MSI2: variants seen among roughly 807,000 people sequenced by gnomAD.
The protein encoded by MSI2 is RNA-binding protein Musashi homolog 2.
MSI2 carries 17 observed loss-of-function variants against 45.6 expected under a neutral mutation model. The ratio of observed to expected loss-of-function variants is 0.37; its 90% CI spans 0.26 to 0.56. The LOEUF is 0.56. Ranked by LOEUF, MSI2 falls within the 20% of genes least tolerant of loss-of-function variation. The probability of loss-of-function intolerance (pLI) is 0.77; values close to 1 mark genes in which losing one functional copy is unlikely to be tolerated. For missense variants in MSI2, 293 were observed against 444.2 expected, an observed-to-expected ratio of 0.66 and a Z score of 3.06; for synonymous variants, 156 against 158.2, an observed-to-expected ratio of 0.99 and a Z score of 0.11.
chr17:57,568,505 A>G (rs1016869475), intron 7 of MSI2, among the ~76,000 whole-genome samples: 3 of 151,820 alleles, frequency 2.0e-5, no homozygotes, highest in African/African-American at 7.3e-5. Flanking sequence ...AAGGTGGTCG[A>G]CCCCCAAAGG....
chr17:57,643,354 A>G (rs949162183), intron 10 of MSI2, among the ~76,000 whole-genome samples: 8 of 152,242 alleles, frequency 5.3e-5, no homozygotes, highest in Non-Finnish European at 8.8e-5. Flanking sequence ...ACCAAAGCCT[A>G]TTCTCAAGCC....
At chr17:57,404,859 C>T (rs1057137090) in intron 6 of MSI2, among the ~76,000 whole-genome samples, 5 of 152,088 alleles carry the variant, frequency 3.3e-5, no homozygotes, top group African/African-American at 1.2e-4. Context: ...CTTCCACCTT[C>T]CTCCCAGAAA....
chr17:57,374,845 C>T (rs1395244730), intron 5 of MSI2, among the ~76,000 whole-genome samples: 1 of 152,104 alleles, frequency 6.6e-6, no homozygotes, highest in East Asian at 1.9e-4. Context: ...GCATTTATTC[C>T]ATGTCCAGTT....
intron 5 of MSI2, among the ~76,000 whole-genome samples, chr17:57,300,033 T>G (rs1911301334): frequency 6.6e-6 from 1 of 152,176 alleles, no homozygotes; most frequent in East Asian, 1.9e-4. Flanking sequence ...TGTTCATCTC[T>G]GCCCATCTCT....
chr17:57,695,046 C>T, the MSI2 span, among the ~76,000 whole-genome samples: 1 of 152,188 alleles, frequency 6.6e-6, no homozygotes, highest in African/African-American at 2.4e-5. Context: ...GAAAAATCAT[C>T]AAATCACAGC....
intron 13 of MSI2, among the ~76,000 whole-genome samples, chr17:57,677,762 A>G (rs1044435916): frequency 2.6e-5 from 4 of 152,160 alleles, no homozygotes; most frequent in African/African-American, 7.2e-5. Flanking sequence ...CATTTTTTCA[A>G]TCACTTTGAT....
At chr17:57,472,851 A>T (rs949430460) in intron 6 of MSI2, among the ~76,000 whole-genome samples, 2 of 150,506 alleles carry the variant, frequency 1.3e-5, no homozygotes, top group African/African-American at 4.9e-5. Context: ...CACAGGGCAC[A>T]CTATCCATCA....
At chr17:57,484,205 C>T (rs2085706678) in intron 6 of MSI2, among the ~76,000 whole-genome samples, 1 of 152,142 alleles carries the variant, frequency 6.6e-6, no homozygotes, top group Non-Finnish European at 1.5e-5. Context: ...GCAGTCGCTT[C>T]TCTTTCCCTG....
chr17:57,410,426 G>GGCT (rs1170972252), intron 6 of MSI2, among the ~76,000 whole-genome samples: 2 of 152,082 alleles, frequency 1.3e-5, no homozygotes, highest in East Asian at 3.9e-4. Flanking sequence ...ATGAGCAAGT[G>GGCT]GCTGCTGAAG....
intron 5 of MSI2, among the ~76,000 whole-genome samples, chr17:57,333,790 AG>A (rs10713486): frequency 0.26 from 39,708 of 150,700 alleles, 7,220 homozygotes; most frequent in African/African-American, 0.52. Flanking sequence ...TAAATAAGAA[AG>A]GGAAAAAAAA....
rs187644169 is a variant in MSI2 at position 57,523,339 on chromosome 17, C to T, written c.406-6337C>T. On this transcript the variant is annotated intron_variant, in intron 6 of 13. Transcript: ENST00000284073. ...TTGGGATTACAGGCGTGAGCCACCA[C>T]GCCCGGCCTGCATTGCGTCTTTAAA... is the stretch of plus-strand genomic sequence containing the variant. Among the ~76,000 whole-genome samples, 51 of 152,336 alleles carry T rather than the reference C, an allele frequency of 3.3e-4. No homozygotes were observed. In the East Asian group the frequency reaches 9.7e-3, roughly 29 times the overall value.
intron 5 of MSI2, among the ~76,000 whole-genome samples, chr17:57,269,443 G>A (rs905015895): frequency 1.3e-5 from 2 of 152,182 alleles, no homozygotes; most frequent in Admixed American, 6.5e-5. Flanking sequence ...TCCAACCTGG[G>A]CTTGTGGCTT....
chr17:57,331,797 T>A (rs929770592), intron 5 of MSI2, among the ~76,000 whole-genome samples: 5 of 152,194 alleles, frequency 3.3e-5, no homozygotes, highest in African/African-American at 1.2e-4. Context: ...GAATTTTTTT[T>A]AAATATTAAA....
downstream of MSI2, among the ~76,000 whole-genome samples, chr17:57,686,553 A>G (rs1407551620): frequency 6.6e-6 from 1 of 152,210 alleles, no homozygotes; most frequent in African/African-American, 2.4e-5. Context: ...AATGGCTAAC[A>G]ATAAAGGGCC....
chr17:57,268,227 G>C (rs1907995987), intron 5 of MSI2: 1 of 152,234 alleles, frequency 6.6e-6, no homozygotes, highest in African/African-American at 2.4e-5. Context: ...TCGGGGGATA[G>C]TGTGGAGAAT....
chr17:57,548,171 G>A (rs1331023335), intron 7 of MSI2, among the ~76,000 whole-genome samples: 3 of 152,110 alleles, frequency 2.0e-5, no homozygotes, highest in Admixed American at 1.3e-4. Flanking sequence ...CCAACTCTGG[G>A]GTCCAAAGCC....
intron 6 of MSI2, among the ~76,000 whole-genome samples, chr17:57,498,228 A>G (rs1166114731): frequency 6.6e-6 from 1 of 152,244 alleles, no homozygotes; most frequent in Admixed American, 6.5e-5. Context: ...TTGCTGCAAC[A>G]AGGCCTTCAA....
At chr17:57,343,037 C>T (rs1361367673) in intron 5 of MSI2, among the ~76,000 whole-genome samples, 1 of 152,156 alleles carries the variant, frequency 6.6e-6, no homozygotes, top group African/African-American at 2.4e-5. Context: ...TATTATCTTG[C>T]AAAATCTGAT....
At chr17:57,291,135 G>A (rs1445461950) in intron 5 of MSI2, among the ~76,000 whole-genome samples, 1 of 152,238 alleles carries the variant, frequency 6.6e-6, no homozygotes, top group African/African-American at 2.4e-5. Context: ...CTGTGGGCCT[G>A]TTTTGCAGGT....
Sources: gnomAD v4.1 joint callset for allele counts (sites outside exome capture counted in the v4.1 genomes callset) on GRCh38, gnomAD v4.1.1 for gene constraint, MANE v1.5 for transcripts, NCBI Gene and HGNC (gene_info 2026-07-23, HGNC 2026-07-21) for gene names.